The following NCK2 variants were observed in gnomAD, a reference collection of about 807,000 sequenced individuals.
NCK2 encodes NCK adaptor protein 2.
A neutral mutation model predicts 33.9 loss-of-function variants in NCK2; 16 were observed. That is an observed-to-expected ratio of 0.47 (90% CI 0.32 to 0.72). The LOEUF (loss-of-function observed/expected upper bound fraction) is 0.72. Ranked by LOEUF, NCK2 falls within the 30% of genes least tolerant of loss-of-function variation. The pLI is 0.03. For synonymous variants in NCK2, 273 were observed against 239.9 expected, an observed-to-expected ratio of 1.14 and a Z score of -1.27; for missense variants, 418 against 537.3, an observed-to-expected ratio of 0.78 and a Z score of 2.19.
intron 1 of NCK2, among the ~76,000 whole-genome samples, chr2:105,757,397 C>T (rs373866168): frequency 5.9e-5 from 9 of 152,012 alleles, no homozygotes; most frequent in African/African-American, 2.2e-4. Flanking sequence ...ATGAACTGAT[C>T]TATGTGTAAA....
At position 105,871,369 on chromosome 2, in the gene NCK2, G is replaced by A. The variant is rs1354582697; in HGVS notation, c.227-9959G>A. On this transcript the variant is annotated intron_variant, in intron 3 of 4. Coordinates refer to ENST00000233154, the MANE Select transcript of NCK2 (RefSeq NM_003581.5). ...GGTTACTGATCAAGGTGCTCCGCACGCTTTGGGATCAACCCTCATTTTACC... is the reference window on the plus strand; with the variant it reads ...GGTTACTGATCAAGGTGCTCCGCACACTTTGGGATCAACCCTCATTTTACC... Among the ~76,000 whole-genome samples, 5 of 152,192 alleles carry A rather than the reference G, an allele frequency of 3.3e-5. No individual in the cohort carries two copies. The East Asian group carries it at 9.7e-4, about 29-fold the overall frequency.
At chr2:105,850,673 G>C (rs746284953) in intron 2 of NCK2, among the ~76,000 whole-genome samples, 1 of 152,184 alleles carries the variant, frequency 6.6e-6, no homozygotes, top group Admixed American at 6.5e-5. Flanking sequence ...AAAAACATGC[G>C]TTGTTCTTTG....
chr2:105,869,750 A>G (rs922871519), intron 3 of NCK2, among the ~76,000 whole-genome samples: 5 of 152,170 alleles, frequency 3.3e-5, no homozygotes, highest in South Asian at 2.1e-4. Context: ...TGCATATTCA[A>G]AAACGCTTGG....
intron 1 of NCK2, among the ~76,000 whole-genome samples, chr2:105,752,317 TATG>T (rs1175176458): frequency 1.3e-5 from 2 of 152,218 alleles, no homozygotes; most frequent in African/African-American, 4.8e-5. Flanking sequence ...CCTTTTTAAA[TATG>T]AGGAGTAATG....
intron 1 of NCK2, among the ~76,000 whole-genome samples, chr2:105,778,926 A>T (rs1690397937): frequency 6.6e-6 from 1 of 152,148 alleles, no homozygotes; most frequent in Non-Finnish European, 1.5e-5. Context: ...AAGAGCTTTA[A>T]GAATATGCTT....
At chr2:105,759,167 A>G (rs1277519243) in intron 1 of NCK2, among the ~76,000 whole-genome samples, 1 of 152,196 alleles carries the variant, frequency 6.6e-6, no homozygotes, top group Non-Finnish European at 1.5e-5. Context: ...GGGCCTTCAG[A>G]AGGAGAGAAT....
At chr2:105,756,214 A>T (rs12712216) in intron 1 of NCK2, among the ~76,000 whole-genome samples, 1 of 152,178 alleles carries the variant, frequency 6.6e-6, no homozygotes, top group Admixed American at 6.5e-5. Context: ...CTGTTCCATT[A>T]TTCTTCCTTT....
chr2:105,752,649 A>G (rs1689486864), intron 1 of NCK2, among the ~76,000 whole-genome samples: 1 of 152,178 alleles, frequency 6.6e-6, no homozygotes, highest in African/African-American at 2.4e-5. Flanking sequence ...CAAATAACAT[A>G]CATTGTACCC....
At chr2:105,849,467 A>T (rs1676978877) in intron 2 of NCK2, among the ~76,000 whole-genome samples, 1 of 152,208 alleles carries the variant, frequency 6.6e-6, no homozygotes, top group African/African-American at 2.4e-5. Context: ...GGAAAGGTGA[A>T]TGAGGCAGGT....
chr2:105,750,068 A>ACACACAC lies in NCK2; in HGVS notation c.-201+4930_-201+4931insCACACAC, dbSNP rs1553449505. ...CACACACACACACACACACACACAC[A>ACACACAC]AAACAACAACAACAGAATGGGTGGC... On this transcript the variant is annotated intron_variant, in intron 1 of 4. Transcript: ENST00000233154. Among the ~76,000 whole-genome samples, 5 of 151,288 alleles carry ACACACAC rather than the reference A, an allele frequency of 3.3e-5. No homozygotes were observed. In the East Asian group the frequency reaches 7.8e-4, roughly 24 times the overall value.
intron 2 of NCK2, among the ~76,000 whole-genome samples, chr2:105,840,863 AC>A (rs371601149): frequency 3.3e-5 from 5 of 152,208 alleles, no homozygotes; most frequent in African/African-American, 1.2e-4. Context: ...AACAGCTGTT[AC>A]CACCATTATG....
intron 2 of NCK2, among the ~76,000 whole-genome samples, chr2:105,820,854 A>C (rs930974476): frequency 6.6e-6 from 1 of 152,204 alleles, no homozygotes; most frequent in Non-Finnish European, 1.5e-5. Flanking sequence ...TAGGAAGGAC[A>C]GTGGCTTAGA....
intron 1 of NCK2, among the ~76,000 whole-genome samples, chr2:105,809,314 C>T (rs2104466059): frequency 6.6e-6 from 1 of 152,262 alleles, no homozygotes; most frequent in Non-Finnish European, 1.5e-5. Context: ...TCCCAGGCTG[C>T]CATGGGAAAG....
In NCK2 at chr2:105,863,951, A is replaced by G. The variant is rs534955738; in HGVS notation, c.226+8662A>G. Among the ~76,000 whole-genome samples, 135 of 151,392 alleles carry G rather than the reference A, an allele frequency of 8.9e-4. 1 individual carries two copies. Among genetic ancestry groups the G allele is most frequent in the African/African-American group, 3.2e-3 (134 of 41,242 alleles). ...AGTCATTCATGTGAAGAATACTCTG[A>G]GCTGGGTTGAGACTTGGCGAGGGGG... On this transcript the variant is annotated intron_variant, in intron 3 of 4. Coordinates refer to ENST00000233154, the MANE Select transcript of NCK2 (RefSeq NM_003581.5).
intron 1 of NCK2, among the ~76,000 whole-genome samples, chr2:105,798,358 T>G (rs951768220): frequency 2.0e-5 from 3 of 152,158 alleles, no homozygotes; most frequent in African/African-American, 7.2e-5. Flanking sequence ...CTGGGTTAGC[T>G]GAGTCATTTT....
At chr2:105,787,263 G>A (rs1003858137) in intron 1 of NCK2, among the ~76,000 whole-genome samples, 2 of 152,358 alleles carry the variant, frequency 1.3e-5, no homozygotes, top group East Asian at 3.9e-4. Context: ...GGTCATATCT[G>A]TAGGCTTGGG....
At chr2:105,744,865 TCGC>T (rs1170930281), upstream of NCK2, 145 of 153,724 alleles carry the variant, frequency 9.4e-4, 1 homozygote, top group Middle Eastern at 3.2e-3. Context: ...CGGGGGAGGG[TCGC>T]CGCCGCCGCC....
At chr2:105,754,962 T>A (rs1350092773) in intron 1 of NCK2, among the ~76,000 whole-genome samples, 20 of 152,156 alleles carry the variant, frequency 1.3e-4, no homozygotes, top group Non-Finnish European at 1.5e-5. Flanking sequence ...TCCATTCTTC[T>A]GGTTCTCCCC....
chr2:105,832,836 A>G (rs780443046), intron 2 of NCK2, among the ~76,000 whole-genome samples: 2 of 142,978 alleles, frequency 1.4e-5, no homozygotes, highest in Non-Finnish European at 3.0e-5. Context: ...GTTAGGAAGA[A>G]TTCTCTTCTC....
Sources: gnomAD v4.1 joint callset for allele counts (sites outside exome capture counted in the v4.1 genomes callset) on GRCh38, gnomAD v4.1.1 for gene constraint, MANE v1.5 for transcripts, NCBI Gene and HGNC (gene_info 2026-07-23, HGNC 2026-07-21) for gene names.